MAG: variants seen among roughly 807,000 people sequenced by gnomAD.
The protein encoded by MAG is myelin associated glycoprotein, also known as myelin-associated glycoprotein.
In MAG, 30 loss-of-function variants were observed where a neutral mutation model predicts 60.7. The ratio of observed to expected loss-of-function variants is 0.49; its 90% confidence interval spans 0.37 to 0.67. MAG has a LOEUF of 0.67. Ranked by LOEUF, MAG falls within the 30% of genes least tolerant of loss-of-function variation. The pLI is 0.00. For missense variants in MAG, 795 were observed against 851.7 expected (o/e 0.93, Z 0.83); for synonymous variants, 384 against 376.8 (o/e 1.02, Z -0.22).
intron 9 of MAG, among the ~76,000 whole-genome samples, chr19:35,311,548 C>T (rs373105539): frequency 3.9e-5 from 6 of 152,242 alleles, no homozygotes; most frequent in East Asian, 1.9e-4. Flanking sequence ...CAGCTGCAGC[C>T]GTGTTTCTTT....
In MAG at chr19:35,295,922, G is replaced by A. The variant is rs2066394500; in HGVS notation, c.356G>A (p.Gly119Glu). 1 of 1,613,690 alleles carries A rather than the reference G, an allele frequency of 6.2e-7. No individual in the cohort carries two copies. Among genetic ancestry groups the A allele is most frequent in the Non-Finnish European group, 8.5e-7 (1 of 1,179,878 alleles). ...CTGGGCGGGAAGTACTACTTCCGTGGGGACCTGGGCGGCTACAACCAGTAC... is the reference window on the plus strand; with the variant it reads ...CTGGGCGGGAAGTACTACTTCCGTGAGGACCTGGGCGGCTACAACCAGTAC... The part of the protein sequence containing the change: ...PELGGKYYFR[G>E]DLGGYNQYTF... Residue 119 changes from glycine to glutamate, a missense_variant, in exon 4 of 11, where the codon GGG (glycine) becomes GAG (glutamate). Gly to Glu is a moderately conservative substitution (Grantham distance 98). Coordinates refer to ENST00000392213, the MANE Select transcript of MAG (RefSeq NM_002361.4). This position sits in a 1 kb window ranked among gnomAD's most constrained non-coding sequence, Gnocchi z 5.8.
chr19:35,301,868 C>T (rs1408263986), intron 6 of MAG, among the ~76,000 whole-genome samples: 1 of 151,590 alleles, frequency 6.6e-6, no homozygotes, highest in Non-Finnish European at 1.5e-5. Flanking sequence ...GCTCGGACTC[C>T]TGCATGCTTT....
chr19:35,300,995 C>T (rs116616553), intron 6 of MAG, among the ~76,000 whole-genome samples: 1,982 of 152,260 alleles, frequency 0.013, 40 homozygotes, highest in African/African-American at 0.045. Flanking sequence ...CAGCCTGCTG[C>T]GCTGCTGGGC....
intron 7 of MAG, among the ~76,000 whole-genome samples, chr19:35,304,567 G>A (rs1478470952): frequency 6.6e-6 from 1 of 151,850 alleles, no homozygotes; most frequent in Non-Finnish European, 1.5e-5. Flanking sequence ...TTGAGACTGA[G>A]TCTCGCTCTG....
intron 10 of MAG, chr19:35,312,627 G>C (rs888925706): frequency 3.3e-5 from 17 of 516,434 alleles, no homozygotes; most frequent in Admixed American, 3.0e-4. Flanking sequence ...GGACCCATGG[G>C]GGGGCACGTA....
chr19:35,313,280 C>T lies in MAG; in HGVS notation c.1717-10C>T, dbSNP rs1455286026. The stretch of plus-strand genomic sequence containing the variant: ...GCAGGACCCTGCTAATGGGCGGTTT[C>T]CCCTCTTAGAGCGAGAGGCGCCTGG... On this transcript the variant is annotated splice_polypyrimidine_tract_variant and intron_variant, in intron 10 of 10. Coordinates refer to ENST00000392213, the MANE Select transcript of MAG (RefSeq NM_002361.4). 4 of 1,610,804 alleles carry T rather than the reference C, an allele frequency of 2.5e-6. No homozygotes were observed. Among genetic ancestry groups the T allele is most frequent in the Non-Finnish European group, 2.5e-6 (3 of 1,178,622 alleles).
intron 7 of MAG, 75 bp downstream of exon 7, chr19:35,302,783 C>T (rs574733124): frequency 8.4e-6 from 13 of 1,555,878 alleles, no homozygotes; most frequent in South Asian, 3.5e-5. Flanking sequence ...TGGGTGCCCA[C>T]GCATCCCAAT....
chr19:35,305,707 C>A (rs1378481617), intron 7 of MAG, among the ~76,000 whole-genome samples: 1 of 152,204 alleles, frequency 6.6e-6, no homozygotes, highest in African/African-American at 2.4e-5. Context: ...GTAGTCCCAG[C>A]ACTTTGGGAG....
chr19:35,303,437 C>A (rs574859478), intron 7 of MAG, among the ~76,000 whole-genome samples: 1 of 152,258 alleles, frequency 6.6e-6, no homozygotes, highest in East Asian at 1.9e-4. Context: ...GAGAAGGAAA[C>A]TGAGACCCAG....
rs142713881 is a variant in MAG, at chr19:35,312,836, G to C, written c.1717-454G>C. The C allele has an allele frequency of 2.5e-3, 431 of 169,804 alleles. 5 individuals are homozygous for C. The highest frequency in any genetic ancestry group is 9.3e-3 in the African/African-American group (389 of 41,918). 10.5% of individuals were successfully genotyped at this position (169,804 alleles called of 1,614,324 possible). ...ATGGATCACTTGAGGTCAGGAGTTT[G>C]AGACCAGCCTGGCCAACATGGTGAA... is the stretch of plus-strand genomic sequence containing the variant. On this transcript the variant is annotated intron_variant, in intron 10 of 10. Coordinates refer to ENST00000392213, the MANE Select transcript of MAG (RefSeq NM_002361.4).
At chr19:35,299,034 ACACCCACAC>A in intron 4 of MAG, among the ~76,000 whole-genome samples, 1 of 138,364 alleles carries the variant, frequency 7.2e-6, no homozygotes, top group Non-Finnish European at 1.6e-5. Flanking sequence ...CATGCACCAC[ACACCCACAC>A]CACACACACA....
rs746253739 is a variant in MAG, at chr19:35,295,478, ACCTAAAGGCTTTGGC to A, written c.46+27_46+41del. 3 of 1,613,672 alleles carry A rather than the reference ACCTAAAGGCTTTGGC, an allele frequency of 1.9e-6. No individual in the cohort carries two copies. The East Asian group carries it at 6.7e-5, about 36-fold the overall frequency. On this transcript the variant is annotated intron_variant, in intron 3 of 10. Coordinates refer to ENST00000392213, the MANE Select transcript of MAG (RefSeq NM_002361.4). This position sits in a 1 kb window ranked among gnomAD's most constrained non-coding sequence, Gnocchi z 5.8. ...AGGTAACGGCTGACAGGTGCTGGGG[ACCTAAAGGCTTTGGC>A]CCCTGAGCAGGTTGGAGGTGGGTCC...
At position 35,295,926 on chromosome 19, in the gene MAG, C is replaced by A. The variant is rs767685292; in HGVS notation, c.360C>A (p.Asp120Glu). The change falls in exon 4 of 11, where the codon GAC becomes GAA. Residue 120 changes from aspartate to glutamate, a missense_variant. Asp to Glu is a conservative substitution (Grantham distance 45, BLOSUM62 2). Transcript: ENST00000392213. The surrounding 1 kb of genome is among the most constrained non-coding windows in gnomAD (Gnocchi z 5.8). The part of the protein sequence containing the change: ...ELGGKYYFRG[D>E]LGGYNQYTFS... Reference sequence around the variant, plus strand: ...GCGGGAAGTACTACTTCCGTGGGGACCTGGGCGGCTACAACCAGTACACCT... The same window carrying A: ...GCGGGAAGTACTACTTCCGTGGGGAACTGGGCGGCTACAACCAGTACACCT... 36 of 1,613,206 alleles carry A rather than the reference C, an allele frequency of 2.2e-5. No homozygotes were observed. Among genetic ancestry groups the A allele is most frequent in the Non-Finnish European group, 2.9e-5 (34 of 1,179,710 alleles).
rs1348034277 is a variant in MAG at position 35,302,717 on chromosome 19, C to A, written c.1231+9C>A. The A allele has an allele frequency of 3.1e-6, 5 of 1,611,618 alleles. No individual in the cohort carries two copies. Among genetic ancestry groups the A allele is most frequent in the Non-Finnish European group, 4.2e-6 (5 of 1,179,264 alleles). On this transcript the variant is annotated intron_variant, in intron 7 of 10. Coordinates refer to ENST00000392213, the MANE Select transcript of MAG (RefSeq NM_002361.4). Reference sequence around the variant, plus strand: ...CAACCTGTCTGTGGAGTGTGAGTACCTTCCGCTCCCCTATGCTGGGGATGG... The same window carrying A: ...CAACCTGTCTGTGGAGTGTGAGTACATTCCGCTCCCCTATGCTGGGGATGG...
chr19:35,293,552 G>A lies in MAG; in HGVS notation c.-79-683G>A, dbSNP rs190484396. Among the ~76,000 whole-genome samples, 14 of 152,194 alleles carry A rather than the reference G, an allele frequency of 9.2e-5. No individual in the cohort carries two copies. The highest frequency in any genetic ancestry group is 1.0e-4 in the Non-Finnish European group (7 of 67,996). ...TGTGTCTGTGCATGTGTCTCTGTCC[G>A]TGGGAAGAGGGCGGTGAAGGCTGGG... On this transcript the variant is annotated intron_variant, in intron 1 of 10. Transcript: ENST00000392213. The surrounding 1 kb of genome is among the most constrained non-coding windows in gnomAD (Gnocchi z 4.0).
Position 35,313,345 on chromosome 19 carries a change from C to T in MAG, c.1772C>T (p.Pro591Leu). 1.1e-5 allele frequency: 18 copies of T among 1,614,164 alleles called. No individual in the cohort carries two copies. Among genetic ancestry groups the T allele is most frequent in the Non-Finnish European group, 1.5e-5 (18 of 1,180,012 alleles). The change falls in exon 11 of 11, where the codon CCA becomes CTA. Residue 591 changes from proline (P) to leucine (L), a missense_variant. Pro to Leu is a moderately conservative substitution (Grantham distance 98, BLOSUM62 -3). Coordinates refer to ENST00000392213, the MANE Select transcript of MAG (RefSeq NM_002361.4). ...CTGCTGGGCCTTCGGGGTGAGCCCCCAGAGCTGGACCTGAGCTATTCTCAC... is the reference window on the plus strand; with the variant it reads ...CTGCTGGGCCTTCGGGGTGAGCCCCTAGAGCTGGACCTGAGCTATTCTCAC... ...RRLLGLRGEPPELDLSYSHSD... is the reference protein window; with the variant it reads ...RRLLGLRGEPLELDLSYSHSD...
intron 4 of MAG, among the ~76,000 whole-genome samples, chr19:35,297,758 C>A (rs916824131): frequency 6.7e-6 from 1 of 148,762 alleles, no homozygotes. Flanking sequence ...ACACTACACC[C>A]TATATACACT....
chr19:35,294,615 A>G (rs1042139333), intron 2 of MAG, among the ~76,000 whole-genome samples: 6 of 152,242 alleles, frequency 3.9e-5, no homozygotes, highest in African/African-American at 1.4e-4. Flanking sequence ...AGGGTTTATA[A>G]TTATAAGTAA....
At chr19:35,298,633 A>T (rs1449255303) in intron 4 of MAG, among the ~76,000 whole-genome samples, 1 of 150,288 alleles carries the variant, frequency 6.7e-6, no homozygotes, top group East Asian at 2.0e-4. Context: ...CACATACCAC[A>T]CACTACACAC....
Sources: allele counts gnomAD v4.1 joint callset (sites outside exome capture counted in the v4.1 genomes callset), GRCh38; gene constraint gnomAD v4.1.1; non-coding constraint Gnocchi (gnomAD v3.1); transcripts MANE v1.5; gene names NCBI Gene and HGNC (gene_info 2026-07-23, HGNC 2026-07-21).